Variants in ITGB3 observed in about 807,000 individuals in gnomAD.
ITGB3 encodes the protein integrin subunit beta 3.
ITGB3 carries 48 observed loss-of-function variants against 85.8 expected under a neutral mutation model. The observed-to-expected ratio is 0.56, with a 90% CI of 0.44 to 0.71. ITGB3 has a LOEUF of 0.71. Among genes scored for constraint, ITGB3 ranks in the 30% least tolerant of loss-of-function variants. The pLI is 0.00. For missense variants in ITGB3, 861 were observed against 1,019.1 expected (o/e 0.84, Z 2.11); for synonymous variants, 363 against 395.6 (o/e 0.92, Z 0.98).
At chr17:47,284,083 G>A (rs572822138) in intron 3 of ITGB3, among the ~76,000 whole-genome samples, 1 of 152,342 alleles carries the variant, frequency 6.6e-6, no homozygotes, top group East Asian at 1.9e-4. Flanking sequence ...ATCAAGGCAT[G>A]TGTTGGATGC....
intron 13 of ITGB3, 72 bp downstream of exon 13, chr17:47,302,912 T>G: frequency 1.4e-4 from 225 of 1,554,612 alleles, no homozygotes; most frequent in Non-Finnish European, 1.8e-4. Context: ...CAGGAATCTC[T>G]ACTCATCGAA....
At chr17:47,279,700 A>C (rs1430473238) in intron 2 of ITGB3, 1 of 152,222 alleles carries the variant, frequency 6.6e-6, no homozygotes, top group East Asian at 1.9e-4. Context: ...CTGAAGATGC[A>C]TGAAGGCCTT....
chr17:47,275,383 G>A (rs1053315353), intron 2 of ITGB3, among the ~76,000 whole-genome samples: 8 of 151,968 alleles, frequency 5.3e-5, no homozygotes, highest in Admixed American at 3.9e-4. Flanking sequence ...TTTGGAGCTG[G>A]CAAGAGCTGA....
chr17:47,299,526 A>C lies in ITGB3; in HGVS notation c.1909A>C (p.Lys637Gln). ...CPTCPDACTF[K>Q]KECVECKKFD... ...CACCTGCCCAGATGCCTGCACCTTT[A>C]AGAAGTGAGTGTGGAGTCTGGAGAG... Residue 637 changes from lysine (K) to glutamine (Q), a missense_variant, in exon 11 of 15, where the codon AAG (lysine) becomes CAG (glutamine). Physicochemically the swap from Lys to Gln is moderately conservative, Grantham distance 53. Coordinates refer to ENST00000559488, the MANE Select transcript of ITGB3 (RefSeq NM_000212.3). The surrounding 1 kb of genome is among the most constrained non-coding windows in gnomAD (Gnocchi z 5.1). 2.5e-6 allele frequency: 4 copies of C among 1,613,966 alleles called. No homozygotes were observed. Among genetic ancestry groups the C allele is most frequent in the Non-Finnish European group, 3.4e-6 (4 of 1,179,854 alleles).
intron 10 of ITGB3, among the ~76,000 whole-genome samples, chr17:47,296,405 T>G (rs2065146075): frequency 6.6e-6 from 1 of 152,068 alleles, no homozygotes; most frequent in Non-Finnish European, 1.5e-5. Context: ...GGATAATTTT[T>G]TAAAAATTTG....
intron 1 of ITGB3, among the ~76,000 whole-genome samples, chr17:47,268,813 C>T (rs754910292): frequency 5.3e-5 from 8 of 152,174 alleles, no homozygotes; most frequent in Non-Finnish European, 1.0e-4. Flanking sequence ...AGGCAGTGCC[C>T]GAGTGGGGGG....
chr17:47,309,849 T>C (rs992817982), intron 14 of ITGB3, among the ~76,000 whole-genome samples: 1 of 148,650 alleles, frequency 6.7e-6, no homozygotes, highest in Admixed American at 6.8e-5. Flanking sequence ...TAAGCCGAGA[T>C]TGTGCCACTG....
rs542631027 is a variant in ITGB3, at chr17:47,294,374, C to G, written c.1690+1806C>G. ...CCACGGGGGCACCCCCAGTCCTCCT[C>G]CATGGCCTGATGGTTCCTGGTCTGG... On this transcript the variant is annotated intron_variant, in intron 10 of 14. Coordinates refer to ENST00000559488, the MANE Select transcript of ITGB3 (RefSeq NM_000212.3). Among the ~76,000 whole-genome samples the G allele has an allele frequency of 2.0e-5, 3 of 152,348 alleles. No individual in the cohort carries two copies. In the South Asian group the frequency reaches 6.2e-4, roughly 32 times the overall value.
Position 47,299,737 on chromosome 17 carries a change from G to C in ITGB3, c.1913+207G>C, listed in dbSNP as rs1201600406. On this transcript the variant is annotated intron_variant, in intron 11 of 14. Transcript: ENST00000559488. This position sits in a 1 kb window ranked among gnomAD's most constrained non-coding sequence, Gnocchi z 5.1. ...CTGTGAAGGAGCCAAAGTTGAACGA[G>C]CTGGACTTCGATTGAGAATGTCCTC... 6.6e-6 allele frequency among the ~76,000 whole-genome samples: 1 copy of C among 152,238 alleles called. No individual in the cohort carries two copies. The highest frequency in any genetic ancestry group is 1.5e-5 in the Non-Finnish European group (1 of 68,046).
rs1317557943 is a variant in ITGB3 at position 47,313,169 on chromosome 17, TCA to T, written c.*2967_*2968del. ...TTGTATTTTTAGTAGAGACGGGGTT[TCA>T]CCATGTTGGCCAGGCTGGTCTCGAA... On this transcript the variant is annotated 3_prime_UTR_variant, in exon 15 of 15. Transcript: ENST00000559488. Among the ~76,000 whole-genome samples, 180 of 150,882 alleles carry T rather than the reference TCA, an allele frequency of 1.2e-3. 2 individuals carry two copies. Among genetic ancestry groups the T allele is most frequent in the South Asian group, 6.7e-3 (32 of 4,784 alleles).
chr17:47,258,686 G>T (rs940399747), intron 1 of ITGB3, among the ~76,000 whole-genome samples: 13 of 151,858 alleles, frequency 8.6e-5, no homozygotes, highest in Non-Finnish European at 1.9e-4. Context: ...CAGGCAATCT[G>T]CCCACCTCGG....
intron 13 of ITGB3, among the ~76,000 whole-genome samples, chr17:47,307,045 G>A (rs1382770499): frequency 7.2e-5 from 11 of 151,998 alleles, no homozygotes; most frequent in East Asian, 3.8e-4. Context: ...GGTTTGTTCC[G>A]TAGATAAACT....
At chr17:47,306,749 C>T (rs1309076611) in intron 13 of ITGB3, among the ~76,000 whole-genome samples, 3 of 151,290 alleles carry the variant, frequency 2.0e-5, no homozygotes, top group South Asian at 2.1e-4. Flanking sequence ...GGTGTGATCT[C>T]GGTTCACTGC....
Position 47,287,206 on chromosome 17 carries a change from A to G in ITGB3, c.914A>G (p.Asn305Ser), listed in dbSNP as rs768677385. 1.9e-6 allele frequency: 3 copies of G among 1,613,836 alleles called. No homozygotes were observed. The highest frequency in any genetic ancestry group is 1.3e-5 in the African/African-American group (1 of 74,906). Residue 305 changes from asparagine (N) to serine (S), a missense_variant, in exon 6 of 15, where the codon AAT becomes AGT. Physicochemically the swap from Asn to Ser is conservative, Grantham distance 46. Transcript: ENST00000559488. ...NDGQCHVGSD[N>S]HYSASTTMDY... ...GGGCAGTGTCATGTTGGTAGTGACAATCATTACTCTGCCTCCACTACCATG... is the reference window on the plus strand; with the variant it reads ...GGGCAGTGTCATGTTGGTAGTGACAGTCATTACTCTGCCTCCACTACCATG...
At chr17:47,281,696 C>T (rs1028569443) in intron 2 of ITGB3, among the ~76,000 whole-genome samples, 2 of 152,152 alleles carry the variant, frequency 1.3e-5, no homozygotes, top group African/African-American at 4.8e-5. Context: ...GGTTAGGTGC[C>T]TGGCCCATGT....
At chr17:47,274,945 T>G (rs2065057844) in intron 2 of ITGB3, among the ~76,000 whole-genome samples, 1 of 152,126 alleles carries the variant, frequency 6.6e-6, no homozygotes, top group Admixed American at 6.5e-5. Flanking sequence ...TGCCCAGCCC[T>G]TTGCTTGCAT....
At chr17:47,307,064 T>TG (rs1428027622) in intron 13 of ITGB3, among the ~76,000 whole-genome samples, 1 of 152,200 alleles carries the variant, frequency 6.6e-6, no homozygotes, top group African/African-American at 2.4e-5. Flanking sequence ...CTGTGAGTCA[T>TG]GGGGGTCTGG....
Position 47,300,537 on chromosome 17 carries a change from A to G in ITGB3, c.1973A>G (p.Asn658Ser). 2 of 1,614,148 alleles carry G rather than the reference A, an allele frequency of 1.2e-6. No homozygotes were observed. The highest frequency in any genetic ancestry group is 1.7e-6 in the Non-Finnish European group (2 of 1,180,010). ...RGALHDENTC[N>S]RYCRDEIESV... ...GCCCTACATGACGAAAATACCTGCA[A>G]CCGTTACTGCCGTGACGAGATTGAG... Residue 658 changes from asparagine (N) to serine (S), a missense_variant, in exon 12 of 15, where the codon AAC becomes AGC. Asn to Ser is a conservative substitution (Grantham distance 46). Coordinates refer to ENST00000559488, the MANE Select transcript of ITGB3 (RefSeq NM_000212.3).
rs1396955723 is a variant in ITGB3 at position 47,311,425 on chromosome 17, G to T, written c.*1221G>T. 3 of 152,664 alleles carry T rather than the reference G, an allele frequency of 2.0e-5. No homozygotes were observed. The highest frequency in any genetic ancestry group is 7.2e-5 in the African/African-American group (3 of 41,454). The allele number at this position is 152,664 out of a possible 1,614,324, so 9.5% of individuals were successfully genotyped here. On this transcript the variant is annotated 3_prime_UTR_variant, in exon 15 of 15. Transcript: ENST00000559488. ...TCAGTCTTTAATCTGAGAGGCCACA[G>T]TGCAATTTTATTTTATTTTTCTCAT... is the stretch of plus-strand genomic sequence containing the variant.
Sources: allele counts gnomAD v4.1 joint callset (sites outside exome capture counted in the v4.1 genomes callset), GRCh38; gene constraint gnomAD v4.1.1; non-coding constraint Gnocchi (gnomAD v3.1); transcripts MANE v1.5; gene names NCBI Gene and HGNC (gene_info 2026-07-23, HGNC 2026-07-21).